The following STPG2 variants were observed in gnomAD, a reference collection of about 807,000 sequenced individuals.
The protein encoded by STPG2 is sperm tail PG-rich repeat containing 2.
STPG2 carries 56 observed loss-of-function variants against 54.2 expected under a neutral mutation model. That is an observed-to-expected ratio of 1.03 (90% CI 0.83 to 1.29). STPG2 has a LOEUF of 1.29. Ranked by LOEUF, STPG2 falls within the 50% of genes most tolerant of loss-of-function variation. STPG2 has a pLI of 0.00. For missense variants in STPG2, 596 were observed against 544.9 expected (o/e 1.09, Z -0.93); for synonymous variants, 200 against 181.8 (o/e 1.10, Z -0.81).
intron 10 of STPG2, among the ~76,000 whole-genome samples, chr4:97,650,950 A>G (rs561551205): frequency 1.9e-4 from 29 of 152,200 alleles, no homozygotes; most frequent in African/African-American, 6.5e-4. Flanking sequence ...CCATCTGATG[A>G]GAATTTATGC....
intron 10 of STPG2, among the ~76,000 whole-genome samples, chr4:97,624,981 A>T (rs1734103322): frequency 1.3e-5 from 2 of 152,172 alleles, no homozygotes; most frequent in South Asian, 4.1e-4. Context: ...CCTTTATAAG[A>T]AAAGGAAAGA....
In STPG2 at chr4:97,804,835, G is replaced by T. The variant is rs142271841; in HGVS notation, c.1204+35938C>A. On this transcript the variant is annotated intron_variant, in intron 9 of 10. Coordinates refer to ENST00000295268, the MANE Select transcript of STPG2 (RefSeq NM_174952.3). The stretch of plus-strand genomic sequence containing the variant: ...CTTTTCTGTGTTTAGATACACTATG[G>T]GGGTAATACTTGCCATTGTGTCACA... Among the ~76,000 whole-genome samples the T allele has an allele frequency of 1.3e-3, 204 of 152,090 alleles. 1 individual carries two copies. Among genetic ancestry groups the T allele is most frequent in the Non-Finnish European group, 1.4e-3 (92 of 67,992 alleles).
At chr4:97,903,227 C>T (rs1731247687) in intron 8 of STPG2, among the ~76,000 whole-genome samples, 1 of 151,864 alleles carries the variant, frequency 6.6e-6, no homozygotes, top group Non-Finnish European at 1.5e-5. Flanking sequence ...ATTACATACA[C>T]ACAAAAAGGA....
intron 3 of STPG2, among the ~76,000 whole-genome samples, chr4:98,124,429 C>T (rs1739773802): frequency 6.6e-6 from 1 of 152,152 alleles, no homozygotes; most frequent in African/African-American, 2.4e-5. Flanking sequence ...TTCTCCTTCA[C>T]TTATGAAGCT....
chr4:97,686,866 G>T (rs1723205518), intron 10 of STPG2, among the ~76,000 whole-genome samples: 1 of 151,150 alleles, frequency 6.6e-6, no homozygotes, highest in African/African-American at 2.4e-5. Flanking sequence ...AATTTCCCAA[G>T]CGTAAATTTT....
intron 8 of STPG2, among the ~76,000 whole-genome samples, chr4:97,867,227 T>A (rs1468417421): frequency 6.6e-6 from 1 of 152,030 alleles, no homozygotes; most frequent in Non-Finnish European, 1.5e-5. Flanking sequence ...GCTGCTTTTT[T>A]ATAGATAATC....
At chr4:97,644,922 G>A (rs1029907025) in intron 10 of STPG2, among the ~76,000 whole-genome samples, 1 of 151,900 alleles carries the variant, frequency 6.6e-6, no homozygotes, top group Non-Finnish European at 1.5e-5. Context: ...ACTAGATTTT[G>A]GATGCTGTTA....
At chr4:97,518,176 T>C (rs927419940) in intron 4 of STPG2, among the ~76,000 whole-genome samples, 2 of 152,058 alleles carry the variant, frequency 1.3e-5, no homozygotes, top group Non-Finnish European at 2.9e-5. Flanking sequence ...TCTAGTTCTA[T>C]TACAATAATT....
At chr4:97,475,016 T>C (rs906581340) in intron 4 of STPG2, among the ~76,000 whole-genome samples, 38 of 152,234 alleles carry the variant, frequency 2.5e-4, no homozygotes, top group African/African-American at 8.9e-4. Context: ...TTCACTCTAT[T>C]AGCATATTTT....
At chr4:98,122,029 T>C (rs577021418) in intron 3 of STPG2, among the ~76,000 whole-genome samples, 38 of 152,298 alleles carry the variant, frequency 2.5e-4, no homozygotes, top group African/African-American at 9.1e-4. Flanking sequence ...CAAATGCCTG[T>C]GATTTTTGCA....
intron 9 of STPG2, among the ~76,000 whole-genome samples, chr4:97,815,518 T>C (rs1468312480): frequency 2.0e-5 from 3 of 152,208 alleles, no homozygotes; most frequent in South Asian, 4.1e-4. Flanking sequence ...AACCTGTATA[T>C]ATAAAATCTT....
At chr4:98,103,057 T>C (rs1411172137) in intron 5 of STPG2, among the ~76,000 whole-genome samples, 1 of 151,642 alleles carries the variant, frequency 6.6e-6, no homozygotes, top group Non-Finnish European at 1.5e-5. Flanking sequence ...CTCAATACCT[T>C]TCATTAACTA....
chr4:97,965,364 C>T (rs1734056476), intron 7 of STPG2, among the ~76,000 whole-genome samples: 1 of 152,220 alleles, frequency 6.6e-6, no homozygotes, highest in African/African-American at 2.4e-5. Context: ...GAGACCACTG[C>T]AGCTCAGCAA....
At chr4:97,601,303 A>G (rs1398147110) in intron 10 of STPG2, among the ~76,000 whole-genome samples, 1 of 152,040 alleles carries the variant, frequency 6.6e-6, no homozygotes, top group African/African-American at 2.4e-5. Context: ...TGCTCATTCT[A>G]AAGCTTATAT....
chr4:97,576,544 C>T (rs921042650), intron 10 of STPG2, among the ~76,000 whole-genome samples: 1 of 152,040 alleles, frequency 6.6e-6, no homozygotes, highest in African/African-American at 2.4e-5. Flanking sequence ...ACTTGCTAGC[C>T]ATATGCAGAA....
intron 9 of STPG2, among the ~76,000 whole-genome samples, chr4:97,815,986 C>T (rs1386647737): frequency 1.2e-4 from 18 of 152,082 alleles, no homozygotes; most frequent in African/African-American, 3.9e-4. Flanking sequence ...ACCCATCAAC[C>T]CATCAACTAC....
At chr4:97,839,659 T>C (rs1728739188) in intron 9 of STPG2, among the ~76,000 whole-genome samples, 1 of 151,462 alleles carries the variant, frequency 6.6e-6, no homozygotes. Flanking sequence ...ATCAACATGG[T>C]GTAATAACTC....
chr4:97,791,913 G>GA (rs1303674525), intron 9 of STPG2, among the ~76,000 whole-genome samples: 2 of 151,378 alleles, frequency 1.3e-5, no homozygotes, highest in South Asian at 4.2e-4. Flanking sequence ...ATAGCAAAAG[G>GA]AAAAAAAATT....
chr4:97,447,714 TG>T (rs1218874715), intron 4 of STPG2, among the ~76,000 whole-genome samples: 3 of 152,278 alleles, frequency 2.0e-5, no homozygotes, highest in African/African-American at 7.2e-5. Flanking sequence ...TTTCAGAGGA[TG>T]TATGGAAATG....
Sources: gnomAD v4.1 joint callset for allele counts (sites outside exome capture counted in the v4.1 genomes callset) on GRCh38, gnomAD v4.1.1 for gene constraint, MANE v1.5 for transcripts, NCBI Gene and HGNC (gene_info 2026-07-23, HGNC 2026-07-21) for gene names.